The following TOX2 variants were observed in gnomAD, a reference collection of about 807,000 sequenced individuals.
The protein encoded by TOX2 is granulosa cell HMG box 1.
A neutral mutation model predicts 47.4 loss-of-function variants in TOX2; 15 were observed. The observed-to-expected ratio is 0.32, with a 90% CI of 0.21 to 0.49. The LOEUF (loss-of-function observed/expected upper bound fraction) is 0.49. TOX2 is among the 20% of genes least tolerant of loss of function. TOX2 has a pLI of 0.99. For missense variants in TOX2, 622 were observed against 673.1 expected, an observed-to-expected ratio of 0.92 and a Z score of 0.84; for synonymous variants, 290 against 296.6, an observed-to-expected ratio of 0.98 and a Z score of 0.23.
chr20:44,047,258 C>T (rs898505882), intron 3 of TOX2, among the ~76,000 whole-genome samples: 9 of 152,116 alleles, frequency 5.9e-5, no homozygotes, highest in African/African-American at 2.2e-4. Context: ...CAGTAGCTTC[C>T]CACCCTCCAG....
chr20:43,957,435 G>T (rs1012781105), intron 1 of TOX2, among the ~76,000 whole-genome samples: 1 of 152,226 alleles, frequency 6.6e-6, no homozygotes, highest in Non-Finnish European at 1.5e-5. Flanking sequence ...CTATGAGCAC[G>T]TTGCTTAAAT....
chr20:43,956,247 AT>A (rs1160278952), intron 1 of TOX2, among the ~76,000 whole-genome samples: 3 of 152,174 alleles, frequency 2.0e-5, no homozygotes, highest in Non-Finnish European at 2.9e-5. Context: ...TCCCTAGACC[AT>A]GAGCTCCGGG....
chr20:43,943,750 CTT>C (rs1264365444), intron 1 of TOX2, among the ~76,000 whole-genome samples: 2 of 152,236 alleles, frequency 1.3e-5, no homozygotes, highest in African/African-American at 4.8e-5. Context: ...TCACTTATCT[CTT>C]GTTTCTGATG....
chr20:43,975,814 C>T (rs2070067384), intron 2 of TOX2, among the ~76,000 whole-genome samples: 1 of 152,110 alleles, frequency 6.6e-6, no homozygotes, highest in Admixed American at 6.5e-5. Flanking sequence ...AGGATCTGGT[C>T]TCTCTGGTCC....
chr20:43,965,192 G>A (rs1263185852), intron 1 of TOX2, among the ~76,000 whole-genome samples: 3 of 152,180 alleles, frequency 2.0e-5, no homozygotes, highest in Non-Finnish European at 2.9e-5. Flanking sequence ...GGCTGTCTCC[G>A]TGGTGGACAT....
intron 3 of TOX2, among the ~76,000 whole-genome samples, chr20:44,038,544 C>T (rs979704897): frequency 2.0e-5 from 3 of 151,576 alleles, no homozygotes; most frequent in African/African-American, 7.3e-5. Flanking sequence ...ACAACTATGA[C>T]TTGTCAATAA....
At chr20:44,065,602 C>A in intron 6 of TOX2, 110 bp from the exon 7 acceptor site, 1 of 1,334,954 alleles carries the variant, frequency 7.5e-7, no homozygotes, top group Non-Finnish European at 1.0e-6. Context: ...TCTCCCAAGA[C>A]AGCCAGCCAG....
intron 3 of TOX2, among the ~76,000 whole-genome samples, chr20:44,030,657 G>A (rs184422844): frequency 2.0e-5 from 3 of 152,302 alleles, no homozygotes; most frequent in East Asian, 1.9e-4. Flanking sequence ...CCACCACTGT[G>A]ACTGTGTATT....
chr20:43,987,726 C>A (rs1197313983), intron 2 of TOX2, among the ~76,000 whole-genome samples: 1 of 151,840 alleles, frequency 6.6e-6, no homozygotes, highest in Non-Finnish European at 1.5e-5. Context: ...ATTTAACTTC[C>A]TGGGAGGGAA....
At chr20:43,964,112 C>G (rs1247140388) in intron 1 of TOX2, among the ~76,000 whole-genome samples, 1 of 151,058 alleles carries the variant, frequency 6.6e-6, no homozygotes, top group African/African-American at 2.4e-5. Flanking sequence ...AAAAAAAAAC[C>G]AACAGCTTGA....
intron 1 of TOX2, among the ~76,000 whole-genome samples, chr20:43,969,598 C>T (rs1280571713): frequency 6.6e-6 from 1 of 152,246 alleles, no homozygotes; most frequent in Non-Finnish European, 1.5e-5. Flanking sequence ...CCTTCATGCC[C>T]TCCAAGGGCT....
chr20:43,945,982 C>T, intron 1 of TOX2: 2 of 1,614,138 alleles, frequency 1.2e-6, no homozygotes, highest in Non-Finnish European at 1.7e-6. Flanking sequence ...TGGAATGAGA[C>T]TCGGGCTCCT....
Position 43,943,784 on chromosome 20 carries a change from G to A in TOX2, c.99+28794G>A, listed in dbSNP as rs547981669. Among the ~76,000 whole-genome samples, 8 of 152,254 alleles carry A rather than the reference G, an allele frequency of 5.3e-5. No homozygotes were observed. The East Asian group carries it at 1.5e-3, about 29-fold the overall frequency. ...GATGAACAAGTTTAACATTCAACAA[G>A]CAACATGGCTTCTTGCAACATCAAC... On this transcript the variant is annotated intron_variant, in intron 1 of 8. Coordinates refer to ENST00000341197, the MANE Select transcript of TOX2 (RefSeq NM_001098797.2).
chr20:44,009,839 G>A (rs1044919386), intron 3 of TOX2, among the ~76,000 whole-genome samples: 1 of 152,196 alleles, frequency 6.6e-6, no homozygotes, highest in African/African-American at 2.4e-5. Flanking sequence ...CTGTGGTGCA[G>A]GGGTGAGCAT....
At chr20:44,056,639 T>C (rs574788434) in intron 5 of TOX2, among the ~76,000 whole-genome samples, 2 of 152,324 alleles carry the variant, frequency 1.3e-5, no homozygotes, top group East Asian at 3.9e-4. Context: ...TTGGCATATA[T>C]TTATTTCCAT....
chr20:43,958,689 C>G (rs761669933), intron 1 of TOX2, among the ~76,000 whole-genome samples: 1 of 152,244 alleles, frequency 6.6e-6, no homozygotes, highest in Non-Finnish European at 1.5e-5. Flanking sequence ...GAATGTTCAC[C>G]GTGCCCTTGG....
intron 3 of TOX2, among the ~76,000 whole-genome samples, chr20:44,034,300 TG>T (rs1355746378): frequency 2.6e-5 from 4 of 152,136 alleles, no homozygotes; most frequent in African/African-American, 7.2e-5. Flanking sequence ...GCTCCTTCTC[TG>T]GCACCCCACA....
chr20:43,974,218 G>T (rs994516215), intron 2 of TOX2, among the ~76,000 whole-genome samples: 2 of 150,702 alleles, frequency 1.3e-5, no homozygotes, highest in South Asian at 4.2e-4. Context: ...GATCAGGGAG[G>T]GTCCTCACTG....
chr20:43,922,072 A>G (rs766605700), intron 1 of TOX2, among the ~76,000 whole-genome samples: 5 of 152,158 alleles, frequency 3.3e-5, no homozygotes, highest in Non-Finnish European at 1.5e-5. Flanking sequence ...AGGTGACCTC[A>G]TGCACATCAC....
Sources: allele counts gnomAD v4.1 joint callset (sites outside exome capture counted in the v4.1 genomes callset), GRCh38; gene constraint gnomAD v4.1.1; transcripts MANE v1.5; gene names NCBI Gene and HGNC (gene_info 2026-07-23, HGNC 2026-07-21).